Variants in FOXN3 observed in about 807,000 individuals in gnomAD.
FOXN3 encodes forkhead box protein N3.
Under a neutral mutation model 38.4 loss-of-function variants are expected in FOXN3, and 7 were observed. The ratio of observed to expected loss-of-function variants is 0.18; its 90% CI spans 0.10 to 0.34. The LOEUF is 0.34. FOXN3 is among the 10% of genes least tolerant of loss of function. The pLI is 1.00. For synonymous variants in FOXN3, 230 were observed against 242.2 expected, an observed-to-expected ratio of 0.95 and a Z score of 0.47; for missense variants, 456 against 613.4, an observed-to-expected ratio of 0.74 and a Z score of 2.71.
At chr14:89,543,360 C>T (rs547671591) in intron 1 of FOXN3, among the ~76,000 whole-genome samples, 9 of 152,170 alleles carry the variant, frequency 5.9e-5, no homozygotes, top group African/African-American at 1.9e-4. Flanking sequence ...TTCTACTGTG[C>T]TAAGTAATAT....
intron 3 of FOXN3, among the ~76,000 whole-genome samples, chr14:89,349,207 G>A (rs1888873276): frequency 6.6e-6 from 1 of 152,100 alleles, no homozygotes; most frequent in Non-Finnish European, 1.5e-5. Context: ...TTCCATTTGG[G>A]GAGTGGCTAT....
At chr14:89,272,006 G>A (rs1021645788) in intron 4 of FOXN3, among the ~76,000 whole-genome samples, 1 of 152,136 alleles carries the variant, frequency 6.6e-6, no homozygotes, top group Admixed American at 6.5e-5. Flanking sequence ...AATGCATAAG[G>A]CTAGTACAAA....
intron 1 of FOXN3, among the ~76,000 whole-genome samples, chr14:89,431,797 C>T (rs1892164299): frequency 6.6e-6 from 1 of 152,052 alleles, no homozygotes; most frequent in African/African-American, 2.4e-5. Flanking sequence ...TCACTGCAAC[C>T]TCCACCTCCT....
At chr14:89,618,577 C>T (rs1896536987) in intron 1 of FOXN3, among the ~76,000 whole-genome samples, 1 of 152,124 alleles carries the variant, frequency 6.6e-6, no homozygotes, top group African/African-American at 2.4e-5. Flanking sequence ...TAAACTCTGC[C>T]CAGCCAAACA....
At chr14:89,478,457 A>G (rs1454437977) in intron 1 of FOXN3, among the ~76,000 whole-genome samples, 1 of 152,220 alleles carries the variant, frequency 6.6e-6, no homozygotes, top group Admixed American at 6.5e-5. Flanking sequence ...ACACAAAAAC[A>G]ACTGGTTTGG....
upstream of FOXN3, among the ~76,000 whole-genome samples, chr14:89,418,402 C>CA (rs1891813787): frequency 7.4e-6 from 1 of 134,890 alleles, no homozygotes; most frequent in Non-Finnish European, 1.6e-5. Flanking sequence ...TTTTCTGTCT[C>CA]AAAAAATAGA....
intron 4 of FOXN3, among the ~76,000 whole-genome samples, chr14:89,257,876 G>A (rs1885673884): frequency 6.6e-6 from 1 of 152,212 alleles, no homozygotes; most frequent in Non-Finnish European, 1.5e-5. Flanking sequence ...TGCAAAGCGA[G>A]TGGCATGGGT....
At chr14:89,605,855 T>A (rs1896263726) in intron 1 of FOXN3, among the ~76,000 whole-genome samples, 1 of 152,028 alleles carries the variant, frequency 6.6e-6, no homozygotes. Context: ...TAGCTCACAC[T>A]TGTAATACCA....
chr14:89,344,200 T>C (rs1487914934), intron 3 of FOXN3, among the ~76,000 whole-genome samples: 1 of 150,862 alleles, frequency 6.6e-6, no homozygotes, highest in Non-Finnish European at 1.5e-5. Context: ...TTACATGAAA[T>C]ATAGACTATG....
chr14:89,249,514 G>A (rs1290682238), intron 4 of FOXN3, among the ~76,000 whole-genome samples: 2 of 152,202 alleles, frequency 1.3e-5, no homozygotes, highest in African/African-American at 4.8e-5. Context: ...TCTCCAAACA[G>A]ATGTTGCCTT....
At chr14:89,389,922 CA>C (rs903352834) in intron 2 of FOXN3, among the ~76,000 whole-genome samples, 23 of 145,984 alleles carry the variant, frequency 1.6e-4, no homozygotes, top group South Asian at 2.2e-4. Context: ...CTTTTATAAA[CA>C]AAAAAAAAAA....
chr14:89,522,307 T>C (rs1894336901), intron 1 of FOXN3, among the ~76,000 whole-genome samples: 3 of 152,032 alleles, frequency 2.0e-5, no homozygotes, highest in Admixed American at 6.6e-5. Context: ...TCCATTTCAA[T>C]AAATGAAAAA....
chr14:89,446,087 CA>C (rs576883864), intron 1 of FOXN3, among the ~76,000 whole-genome samples: 694 of 40,076 alleles, frequency 0.017, 9 homozygotes, highest in Middle Eastern at 0.13. Flanking sequence ...GACCCTGCCT[CA>C]AAAAAAAAAA....
chr14:89,470,212 T>A lies in FOXN3; in HGVS notation c.-14-57722A>T, dbSNP rs144567757. Among the ~76,000 whole-genome samples the A allele has an allele frequency of 5.3e-3, 804 of 152,108 alleles. 7 individuals are homozygous for A. Among genetic ancestry groups the A allele is most frequent in the African/African-American group, 0.019 (774 of 41,480 alleles). On this transcript the variant is annotated intron_variant, in intron 1 of 6. Transcript: ENST00000345097. ...GAATTTCTCAGCCAACTGATACTCA[T>A]CACACATTAGAATTAGAAAACAAAA...
intron 1 of FOXN3, among the ~76,000 whole-genome samples, chr14:89,580,894 G>A (rs1895726272): frequency 1.3e-5 from 2 of 152,092 alleles, no homozygotes; most frequent in South Asian, 4.1e-4. Context: ...AGAGAATAGG[G>A]GGAAATGGCC....
At chr14:89,202,414 T>C (rs759839325) in intron 4 of FOXN3, among the ~76,000 whole-genome samples, 4 of 152,178 alleles carry the variant, frequency 2.6e-5, no homozygotes, top group Non-Finnish European at 5.9e-5. Flanking sequence ...GCTGAGGCAA[T>C]CTCTTTGTTA....
intron 1 of FOXN3, among the ~76,000 whole-genome samples, chr14:89,580,876 T>C (rs1365776012): frequency 6.6e-6 from 1 of 152,124 alleles, no homozygotes; most frequent in African/African-American, 2.4e-5. Flanking sequence ...GGGGCTTACA[T>C]GGTACCTAGA....
At chr14:89,201,064 G>A (rs980006522) in intron 4 of FOXN3, among the ~76,000 whole-genome samples, 3 of 152,150 alleles carry the variant, frequency 2.0e-5, no homozygotes, top group Non-Finnish European at 2.9e-5. Flanking sequence ...GGTTCTGTTT[G>A]GCTTGTTAAC....
chr14:89,378,706 C>CTT (rs35772860), intron 2 of FOXN3, among the ~76,000 whole-genome samples: 51,364 of 136,708 alleles, frequency 0.38, 11,878 homozygotes, highest in Admixed American at 0.53. Flanking sequence ...TCTTTTTGCA[C>CTT]TTTTTTTTTT....
Sources: allele counts gnomAD v4.1 joint callset (sites outside exome capture counted in the v4.1 genomes callset), GRCh38; gene constraint gnomAD v4.1.1; transcripts MANE v1.5; gene names NCBI Gene and HGNC (gene_info 2026-07-23, HGNC 2026-07-21).